Variants in PCDHGA9 observed in about 807,000 individuals in gnomAD.
PCDHGA9 encodes protocadherin gamma subfamily A, 9.
In PCDHGA9, 37 loss-of-function variants were observed where a neutral mutation model predicts 62.5. The ratio of observed to expected loss-of-function variants is 0.59; its 90% CI spans 0.46 to 0.78. PCDHGA9 has a LOEUF of 0.78. Among genes scored for constraint, PCDHGA9 ranks in the 30% least tolerant of loss-of-function variants. The pLI, the probability that PCDHGA9 is intolerant of heterozygous loss-of-function variation, is 0.00. For missense variants in PCDHGA9, 1,138 were observed against 1,166.2 expected, an observed-to-expected ratio of 0.98 and a Z score of 0.35; for synonymous variants, 459 against 484.6, an observed-to-expected ratio of 0.95 and a Z score of 0.69.
intron 1 of PCDHGA9, chr5:141,419,209 G>C: frequency 6.2e-7 from 1 of 1,613,900 alleles, no homozygotes; most frequent in Admixed American, 1.7e-5. Context: ...ACAACGCGCC[G>C]GTTTTCGGAC....
Position 141,489,595 on chromosome 5 carries a change from G to A in PCDHGA9, c.2425-5212G>A. The A allele has an allele frequency of 1.2e-6, 2 of 1,614,132 alleles. No individual in the cohort carries two copies. Among genetic ancestry groups the A allele is most frequent in the Non-Finnish European group, 1.7e-6 (2 of 1,180,004 alleles). On this transcript the variant is annotated intron_variant, in intron 1 of 3. Coordinates refer to ENST00000573521, the MANE Select transcript of PCDHGA9 (RefSeq NM_018921.3). The surrounding 1 kb of genome is among the most constrained non-coding windows in gnomAD (Gnocchi z 4.5). Reference sequence around the variant, plus strand: ...TGAACACCCCCTGGAGCTAATCCGTGTAGAGGTAGAGATCCTGGATCTCAA... The same window carrying A: ...TGAACACCCCCTGGAGCTAATCCGTATAGAGGTAGAGATCCTGGATCTCAA...
chr5:141,417,892 C>G lies in PCDHGA9; in HGVS notation c.2424+12516C>G, dbSNP rs550343206. On this transcript the variant is annotated intron_variant, in intron 1 of 3. Coordinates refer to ENST00000573521, the MANE Select transcript of PCDHGA9 (RefSeq NM_018921.3). Reference sequence around the variant, plus strand: ...GGAGCTGCGCGCAGAGGCGCCGGGCCGGCCCGCGGCAGGTACTATTTCCTT... The same window carrying G: ...GGAGCTGCGCGCAGAGGCGCCGGGCGGGCCCGCGGCAGGTACTATTTCCTT... 2.2e-4 allele frequency: 348 copies of G among 1,570,774 alleles called. 2 individuals carry two copies. The South Asian group carries it at 3.7e-3, about 17-fold the overall frequency.
chr5:141,419,830 T>G, intron 1 of PCDHGA9: 1 of 1,614,052 alleles, frequency 6.2e-7, no homozygotes, highest in African/African-American at 1.3e-5. Context: ...TTTCAGCCAC[T>G]GCCACGCTGC....
chr5:141,492,220 C>T (rs1388948434), intron 1 of PCDHGA9, among the ~76,000 whole-genome samples: 2 of 152,190 alleles, frequency 1.3e-5, no homozygotes, highest in Non-Finnish European at 1.5e-5. Context: ...GGGGCTCATG[C>T]GTGTCCTCCC....
chr5:141,457,020 C>A (rs2098903789), intron 1 of PCDHGA9, among the ~76,000 whole-genome samples: 1 of 152,086 alleles, frequency 6.6e-6, no homozygotes, highest in Non-Finnish European at 1.5e-5. Flanking sequence ...AATAAAAAGT[C>A]CTAGTAGACT....
At chr5:141,418,744 T>C in intron 1 of PCDHGA9, 1 of 1,613,936 alleles carries the variant, frequency 6.2e-7, no homozygotes, top group Non-Finnish European at 8.5e-7. Context: ...TCTCTCTGGA[T>C]TACACTACAG....
intron 2 of PCDHGA9, among the ~76,000 whole-genome samples, chr5:141,502,866 C>CTTTTTTT (rs549047197): frequency 0.02 from 2,590 of 127,990 alleles, 216 homozygotes; most frequent in African/African-American, 0.075. Flanking sequence ...GACTCTCTGT[C>CTTTTTTT]TTTTTTTTTT....
chr5:141,423,626 T>C (rs745796529), intron 1 of PCDHGA9: 1 of 1,606,498 alleles, frequency 6.2e-7, no homozygotes, highest in South Asian at 1.1e-5. Context: ...GACTCAGCTA[T>C]CATTTTAGGC....
At chr5:141,478,143 A>G (rs759384540) in intron 1 of PCDHGA9, 72 of 1,614,014 alleles carry the variant, frequency 4.5e-5, no homozygotes, top group Middle Eastern at 3.3e-4. Context: ...GCCCGAGCCG[A>G]GTTCCCCTCT....
Position 141,485,286 on chromosome 5 carries a change from AG to A in PCDHGA9, c.2425-9520del. On this transcript the variant is annotated intron_variant, in intron 1 of 3. Coordinates refer to ENST00000573521, the MANE Select transcript of PCDHGA9 (RefSeq NM_018921.3). This position sits in a 1 kb window ranked among gnomAD's most constrained non-coding sequence, Gnocchi z 5.7. ...CAGATCCGCTACCCGGTCCCAGAGG[AG>A]TCACAGGAAGGGACTTTTGTAGGGA... The A allele has an allele frequency of 6.2e-7, 1 of 1,614,044 alleles. No homozygotes were observed. Among genetic ancestry groups the A allele is most frequent in the Non-Finnish European group, 8.5e-7 (1 of 1,179,928 alleles).
In PCDHGA9 at chr5:141,404,506, C is replaced by T. The variant is rs530963064; in HGVS notation, c.1554C>T (p.Cys518=). The stretch of plus-strand genomic sequence containing the variant: ...ACACTGGTGTGCTGTATGCTCTGTG[C>T]TCCTTTGACTATGAGCAGTTTAGAG... ...NSDTGVLYAL[C]SFDYEQFRDL... Residue 518 remains cysteine (C), a synonymous_variant, in exon 1 of 4, where the codon TGC becomes TGT. Coordinates refer to ENST00000573521, the MANE Select transcript of PCDHGA9 (RefSeq NM_018921.3). 540 of 1,613,932 alleles carry T rather than the reference C, an allele frequency of 3.3e-4. 6 individuals are homozygous for T. In the South Asian group the frequency reaches 5.6e-3, roughly 17 times the overall value.
At chr5:141,475,161 A>G (rs1433985907) in intron 1 of PCDHGA9, among the ~76,000 whole-genome samples, 1 of 152,138 alleles carries the variant, frequency 6.6e-6, no homozygotes, top group Non-Finnish European at 1.5e-5. Context: ...CTTCTTCATT[A>G]GCAGTGCAAC....
intron 1 of PCDHGA9, chr5:141,414,687 T>G: frequency 1.2e-6 from 2 of 1,614,004 alleles, no homozygotes; most frequent in East Asian, 4.5e-5. Flanking sequence ...AGGGGGTACC[T>G]CTGTCCTCAT....
In PCDHGA9 at chr5:141,510,353, C is replaced by G. The variant is rs74759939; in HGVS notation, c.2573-594C>G. On this transcript the variant is annotated intron_variant, in intron 3 of 3. Transcript: ENST00000573521. ...CACCCCCACCCCACACACTTACTAA[C>G]GGAACTACCGAATCTCTACTCGTGC... is the stretch of plus-strand genomic sequence containing the variant. Among the ~76,000 whole-genome samples the G allele has an allele frequency of 1.9e-4, 28 of 146,588 alleles. No homozygotes were observed. The East Asian group carries it at 5.6e-3, about 29-fold the overall frequency.
chr5:141,453,997 A>C (rs1332821058), intron 1 of PCDHGA9, among the ~76,000 whole-genome samples: 2 of 152,242 alleles, frequency 1.3e-5, no homozygotes, highest in Non-Finnish European at 2.9e-5. Context: ...TGATAAACCC[A>C]CATAACATTT....
chr5:141,478,799 CTT>C, intron 1 of PCDHGA9: 1 of 1,463,738 alleles, frequency 6.8e-7, no homozygotes, highest in Non-Finnish European at 9.0e-7. Flanking sequence ...CCTCAGCACT[CTT>C]TTGCTATCAC....
chr5:141,466,450 G>A lies in PCDHGA9; in HGVS notation c.2425-28357G>A, dbSNP rs139024933. Reference sequence around the variant, plus strand: ...TAAGCTGAACCGAGATGTCTATGGTGTTGGCTATTGTTTCTGCTGTTAATT... The same window carrying A: ...TAAGCTGAACCGAGATGTCTATGGTATTGGCTATTGTTTCTGCTGTTAATT... On this transcript the variant is annotated intron_variant, in intron 1 of 3. Coordinates refer to ENST00000573521, the MANE Select transcript of PCDHGA9 (RefSeq NM_018921.3). Among the ~76,000 whole-genome samples, 714 of 152,290 alleles carry A rather than the reference G, an allele frequency of 4.7e-3. 2 individuals are homozygous for A. Among genetic ancestry groups the A allele is most frequent in the Non-Finnish European group, 7.0e-3 (479 of 68,028 alleles).
At chr5:141,410,337 C>T (rs1196366344) in intron 1 of PCDHGA9, 1 of 1,613,930 alleles carries the variant, frequency 6.2e-7, no homozygotes, top group Non-Finnish European at 8.5e-7. Context: ...CTGGCCATTG[C>T]CTTGCGCCTG....
chr5:141,432,991 CG>C lies in PCDHGA9; in HGVS notation c.2424+27619del. 1.9e-6 allele frequency: 3 copies of C among 1,614,200 alleles called. No homozygotes were observed. Among genetic ancestry groups the C allele is most frequent in the Non-Finnish European group, 2.5e-6 (3 of 1,180,030 alleles). On this transcript the variant is annotated intron_variant, in intron 1 of 3. Transcript: ENST00000573521. This position sits in a 1 kb window ranked among gnomAD's most constrained non-coding sequence, Gnocchi z 6.0. ...CGGCGTCGCACTTTGTGGGCGTGGACGGGGTGCAGGCTTTCCTGCAGACCTA... is the reference window on the plus strand; with the variant it reads ...CGGCGTCGCACTTTGTGGGCGTGGACGGGTGCAGGCTTTCCTGCAGACCTA...
Sources: allele counts gnomAD v4.1 joint callset (sites outside exome capture counted in the v4.1 genomes callset), GRCh38; gene constraint gnomAD v4.1.1; non-coding constraint Gnocchi (gnomAD v3.1); transcripts MANE v1.5; gene names NCBI Gene and HGNC (gene_info 2026-07-23, HGNC 2026-07-21).